Variants in SPART observed in about 807,000 individuals in gnomAD.
SPART encodes spastic paraplegia 20 (Troyer syndrome).
A neutral mutation model predicts 58.7 loss-of-function variants in SPART; 35 were observed. The observed-to-expected ratio is 0.60, with a 90% confidence interval of 0.46 to 0.79. The LOEUF (loss-of-function observed/expected upper bound fraction) is 0.79. Among genes scored for constraint, SPART ranks in the 30% least tolerant of loss-of-function variants. The probability of loss-of-function intolerance (pLI) is 0.00; values close to 1 mark genes in which losing one functional copy is unlikely to be tolerated. For missense variants in SPART, 730 were observed against 786.1 expected (o/e 0.93, Z 0.85); for synonymous variants, 284 against 280.7 (o/e 1.01, Z -0.12).
chr13:36,316,720 T>C (rs940751160), intron 5 of SPART, among the ~76,000 whole-genome samples: 1 of 152,238 alleles, frequency 6.6e-6, no homozygotes, highest in African/African-American at 2.4e-5. Flanking sequence ...TAAACAGCCT[T>C]GTTGCTCACA....
intron 1 of SPART, among the ~76,000 whole-genome samples, chr13:36,337,286 T>C (rs67444721): frequency 0.17 from 25,674 of 152,206 alleles, 2,311 homozygotes; most frequent in African/African-American, 0.22. Flanking sequence ...CATCCTTTTG[T>C]CCAGGGCATC....
intron 1 of SPART, among the ~76,000 whole-genome samples, chr13:36,355,901 A>G (rs1284032368): frequency 6.6e-6 from 1 of 152,180 alleles, no homozygotes; most frequent in Non-Finnish European, 1.5e-5. Context: ...TAACATCAAC[A>G]CAGACTTTAA....
intron 2 of SPART, among the ~76,000 whole-genome samples, chr13:36,333,392 A>G (rs1026216478): frequency 4.6e-5 from 7 of 151,776 alleles, no homozygotes; most frequent in Non-Finnish European, 7.4e-5. Context: ...AGCACAGGAA[A>G]TATCTAACTT....
upstream of SPART, among the ~76,000 whole-genome samples, chr13:36,347,067 A>G (rs1236631476): frequency 6.6e-6 from 1 of 152,168 alleles, no homozygotes; most frequent in Non-Finnish European, 1.5e-5. Flanking sequence ...CAAGATGAAC[A>G]TACTTTACCC....
chr13:36,319,612 T>A (rs372812309), intron 5 of SPART, among the ~76,000 whole-genome samples: 27,419 of 136,540 alleles, frequency 0.2, 3,293 homozygotes, highest in East Asian at 0.45. Context: ...TGTTTTGCCT[T>A]TCCACCCCAT....
Position 36,331,542 on chromosome 13 carries a change from T to G in SPART, c.865A>C (p.Thr289Pro). 6.2e-7 allele frequency: 1 copy of G among 1,614,016 alleles called. No individual in the cohort carries two copies. Among genetic ancestry groups the G allele is most frequent in the Non-Finnish European group, 8.5e-7 (1 of 1,179,996 alleles). The change falls in exon 3 of 9, where the codon ACT becomes CCT. Residue 289 changes from threonine (T) to proline (P), a missense_variant. Thr to Pro is a conservative substitution (Grantham distance 38). Coordinates refer to ENST00000438666, the MANE Select transcript of SPART (RefSeq NM_015087.5). ...TCAGGAAACATGTAGGCTCCCGCAG[T>G]ACATTTCAGAACCGGAGATCTATCA... ...VPDRSPVLKC[T>P]AGAYMFPDTM...
chr13:36,308,795 T>C (rs1594116018), intron 8 of SPART, among the ~76,000 whole-genome samples: 1 of 152,342 alleles, frequency 6.6e-6, no homozygotes, highest in South Asian at 2.1e-4. Flanking sequence ...TTTCTAATTA[T>C]GACTGATCCA....
intron 2 of SPART, among the ~76,000 whole-genome samples, chr13:36,333,984 C>T (rs1021493838): frequency 6.6e-6 from 1 of 152,152 alleles, no homozygotes; most frequent in Non-Finnish European, 1.5e-5. Flanking sequence ...AAACAACTTT[C>T]AAGTTGACTT....
intron 4 of SPART, among the ~76,000 whole-genome samples, chr13:36,328,209 A>G (rs543555138): frequency 1.3e-5 from 2 of 152,366 alleles, no homozygotes; most frequent in South Asian, 2.1e-4. Context: ...GATGTTCAAC[A>G]TAAACCACAG....
In SPART at chr13:36,331,410, G is replaced by C. The variant is rs781095727; in HGVS notation, c.997C>G (p.Leu333Val). 6.2e-6 allele frequency: 10 copies of C among 1,613,870 alleles called. No individual in the cohort carries two copies. Among genetic ancestry groups the C allele is most frequent in the African/African-American group, 2.7e-5 (2 of 74,922 alleles). Residue 333 changes from leucine to valine, a missense_variant, in exon 3 of 9, where the codon CTT (leucine) becomes GTT (valine). Transcript: ENST00000438666. ...ATCACACAAGTTACCTGGAGCCGAA[G>C]GTCAGACATTTGCCTTAACAGATCC... ...FEDLLRQMSD[L>V]RLQANWNRAE...
intron 8 of SPART, among the ~76,000 whole-genome samples, chr13:36,305,998 T>C (rs950218478): frequency 6.6e-5 from 10 of 152,360 alleles, no homozygotes; most frequent in Middle Eastern, 6.8e-3. Flanking sequence ...ACCGGCTTGT[T>C]TGTGCTTGGC....
intron 1 of SPART, among the ~76,000 whole-genome samples, chr13:36,357,674 T>C (rs1379909415): frequency 3.9e-5 from 6 of 152,356 alleles, no homozygotes; most frequent in Non-Finnish European, 5.9e-5. Context: ...GTATTCTCTG[T>C]ATACTTATAA....
At chr13:36,312,542 A>G in intron 6 of SPART, 65 bp from the exon 7 acceptor site, 1 of 1,443,440 alleles carries the variant, frequency 6.9e-7, no homozygotes, top group East Asian at 2.3e-5. Context: ...TTTACCACTC[A>G]TCTTGCAACA....
At chr13:36,339,538 G>C (rs1489464149) in intron 1 of SPART, among the ~76,000 whole-genome samples, 1 of 144,092 alleles carries the variant, frequency 6.9e-6, no homozygotes, top group East Asian at 2.2e-4. Context: ...AGCTGAGACA[G>C]GAGAATTGCT....
chr13:36,308,035 GA>G (rs1329947994), intron 8 of SPART, among the ~76,000 whole-genome samples: 3 of 152,188 alleles, frequency 2.0e-5, no homozygotes, highest in African/African-American at 7.2e-5. Flanking sequence ...CCATCAGTTC[GA>G]TTTGAGTACT....
Position 36,335,317 on chromosome 13 carries a change from G to C in SPART, c.514C>G (p.Pro172Ala). Residue 172 changes from proline to alanine, a missense_variant, in exon 2 of 9, where the codon CCT becomes GCT. Transcript: ENST00000438666. ...TCAGCAGCTTGAGGAGTATAAGCAGGAGGAGCTTCTGCTGGACAACTTTGT... is the reference window on the plus strand; with the variant it reads ...TCAGCAGCTTGAGGAGTATAAGCAGCAGGAGCTTCTGCTGGACAACTTTGT... ...PSQSCPAEAP[P>A]AYTPQAAEGH... 1 of 1,613,990 alleles carries C rather than the reference G, an allele frequency of 6.2e-7. No individual in the cohort carries two copies. The highest frequency in any genetic ancestry group is 1.1e-5 in the South Asian group (1 of 91,078).
At position 36,304,034 on chromosome 13, in the gene SPART, C is replaced by G. The variant is rs1323426378; in HGVS notation, c.*331G>C. On this transcript the variant is annotated 3_prime_UTR_variant, in exon 9 of 9. Transcript: ENST00000438666. The stretch of plus-strand genomic sequence containing the variant: ...AGTTTCCTATTTGCCTTCTGAAAGA[C>G]AGCAGATATAAAAATAGTTCAATAT... 4 of 281,984 alleles carry G rather than the reference C, an allele frequency of 1.4e-5. No individual in the cohort carries two copies. Among genetic ancestry groups the G allele is most frequent in the Admixed American group, 4.9e-5 (1 of 20,456 alleles). The allele number at this position is 281,984 out of a possible 1,614,324, so 17.5% of individuals were successfully genotyped here.
chr13:36,342,955 ATTC>A (rs1477952168), intron 1 of SPART, among the ~76,000 whole-genome samples: 3 of 152,100 alleles, frequency 2.0e-5, no homozygotes, highest in African/African-American at 7.2e-5. Context: ...ACCCACTCCT[ATTC>A]TTACTATGGT....
At chr13:36,327,490 T>A (rs1470807217) in intron 4 of SPART, among the ~76,000 whole-genome samples, 1 of 152,202 alleles carries the variant, frequency 6.6e-6, no homozygotes, top group Non-Finnish European at 1.5e-5. Flanking sequence ...ATCATTTGAT[T>A]TTTTTAGAAC....
Sources: gnomAD v4.1 joint callset for allele counts (sites outside exome capture counted in the v4.1 genomes callset) on GRCh38, gnomAD v4.1.1 for gene constraint, MANE v1.5 for transcripts, NCBI Gene and HGNC (gene_info 2026-07-23, HGNC 2026-07-21) for gene names.